Variants in DIP2B observed in about 807,000 individuals in gnomAD.
DIP2B encodes the protein DIP2 acetate--CoA ligase B (putative).
DIP2B carries 76 observed loss-of-function variants against 198.0 expected under a neutral mutation model. The observed-to-expected ratio is 0.38, with a 90% CI of 0.32 to 0.46. DIP2B has a LOEUF of 0.46. Ranked by LOEUF, DIP2B falls within the 20% of genes least tolerant of loss-of-function variation. The probability of loss-of-function intolerance (pLI) is 0.99; values close to 1 mark genes in which losing one functional copy is unlikely to be tolerated. For missense variants in DIP2B, 1,559 were observed against 1,978.4 expected (o/e 0.79, Z 4.02); for synonymous variants, 701 against 739.1 (o/e 0.95, Z 0.84).
chr12:50,508,664 T>C (rs920539513), intron 1 of DIP2B, among the ~76,000 whole-genome samples: 1 of 152,146 alleles, frequency 6.6e-6, no homozygotes, highest in Non-Finnish European at 1.5e-5. Context: ...ATATTTGTGC[T>C]GTCATTGCAC....
Position 50,744,956 on chromosome 12 carries a change from T to G in DIP2B, c.*117T>G, listed in dbSNP as rs1940322124. 4.0e-6 allele frequency: 5 copies of G among 1,253,060 alleles called. No individual in the cohort carries two copies. In the South Asian group the frequency reaches 5.9e-5, roughly 15 times the overall value. The allele number at this position is 1,253,060 out of a possible 1,614,324, so 77.6% of individuals were successfully genotyped here. On this transcript the variant is annotated 3_prime_UTR_variant, in exon 38 of 38. Transcript: ENST00000301180. ...AGCTGAGATGGCTACATGATATTCTTCATCTCATCCTGTGGGATTCTGCAA... is the reference window on the plus strand; with the variant it reads ...AGCTGAGATGGCTACATGATATTCTGCATCTCATCCTGTGGGATTCTGCAA...
intron 1 of DIP2B, among the ~76,000 whole-genome samples, chr12:50,590,002 T>C (rs1593634412): frequency 1.4e-5 from 2 of 148,108 alleles, no homozygotes; most frequent in South Asian, 2.2e-4. Flanking sequence ...CTCTCTCTCT[T>C]TCTCTGTCTC....
intron 1 of DIP2B, among the ~76,000 whole-genome samples, chr12:50,506,438 C>T (rs1957969214): frequency 6.6e-6 from 1 of 152,236 alleles, no homozygotes; most frequent in Non-Finnish European, 1.5e-5. Context: ...CAATGAAAAA[C>T]CAAAAATAGA....
At chr12:50,550,258 G>A (rs546081297) in intron 1 of DIP2B, among the ~76,000 whole-genome samples, 1 of 152,092 alleles carries the variant, frequency 6.6e-6, no homozygotes, top group South Asian at 2.1e-4. Context: ...GTGTACTCGT[G>A]GGGCCAGCTG....
intron 1 of DIP2B, among the ~76,000 whole-genome samples, chr12:50,532,475 C>T (rs1213689904): frequency 2.6e-5 from 4 of 152,110 alleles, no homozygotes; most frequent in Admixed American, 6.6e-5. Context: ...GATCGCACCA[C>T]AGCACTCCAG....
intron 1 of DIP2B, among the ~76,000 whole-genome samples, chr12:50,526,787 C>A (rs945507893): frequency 1.3e-5 from 2 of 152,024 alleles, no homozygotes; most frequent in African/African-American, 4.8e-5. Flanking sequence ...AGGCCTGTGC[C>A]ACCACGCTTG....
intron 1 of DIP2B, among the ~76,000 whole-genome samples, chr12:50,510,871 C>T (rs955943092): frequency 6.6e-6 from 1 of 151,754 alleles, no homozygotes; most frequent in Non-Finnish European, 1.5e-5. Flanking sequence ...TCTTGAACTC[C>T]CGACCTCAGG....
At chr12:50,697,002 T>C (rs1939324202) in intron 16 of DIP2B, 59 bp from the exon 17 acceptor site, 1 of 1,294,822 alleles carries the variant, frequency 7.7e-7, no homozygotes, top group Admixed American at 2.0e-5. Flanking sequence ...CTTTACCATT[T>C]TCCTACAGTA....
rs886805465 is a variant in DIP2B at position 50,746,700 on chromosome 12, A to G, written c.*1861A>G. On this transcript the variant is annotated 3_prime_UTR_variant, in exon 38 of 38. Coordinates refer to ENST00000301180, the MANE Select transcript of DIP2B (RefSeq NM_173602.3). ...AAAAAGCACTTACATTGGGGCACAC[A>G]GGAAATCCCAGTGTCTAGCAATGGT... The G allele has an allele frequency of 6.6e-6, 1 of 152,256 alleles. No individual in the cohort carries two copies. Among genetic ancestry groups the G allele is most frequent in the Admixed American group, 6.5e-5 (1 of 15,284 alleles). 9.4% of individuals were successfully genotyped at this position (152,256 alleles called of 1,614,324 possible).
intron 1 of DIP2B, among the ~76,000 whole-genome samples, chr12:50,575,032 T>C (rs565701114): frequency 1.3e-5 from 2 of 152,350 alleles, no homozygotes; most frequent in Non-Finnish European, 2.9e-5. Context: ...TCATTTTTAG[T>C]TTTCTTCACA....
At chr12:50,706,784 A>C in intron 21 of DIP2B, 119 bp downstream of exon 21, 3 of 1,229,716 alleles carry the variant, frequency 2.4e-6, no homozygotes, top group South Asian at 3.4e-5. Context: ...TGTTTTTGTT[A>C]AGCATTGCAT....
chr12:50,617,579 C>G (rs1230065785), intron 1 of DIP2B, among the ~76,000 whole-genome samples: 3 of 151,968 alleles, frequency 2.0e-5, no homozygotes, highest in East Asian at 3.9e-4. Flanking sequence ...GAGGCCAAGG[C>G]AGGTGGATCA....
chr12:50,695,916 G>A lies in DIP2B; in HGVS notation c.1882G>A (p.Val628Met), dbSNP rs747379433. 14 of 1,614,014 alleles carry A rather than the reference G, an allele frequency of 8.7e-6. No individual in the cohort carries two copies. Among genetic ancestry groups the A allele is most frequent in the South Asian group, 4.4e-5 (4 of 91,090 alleles). ...GATGGCACATCGGGACCAAAGAGAC[G>A]TGAGCTTGAGTTCCCTCCGAATGTT... Reference protein sequence around the residue: ...AMMAHRDQRDVSLSSLRMLIV... With the variant: ...AMMAHRDQRDMSLSSLRMLIV... Residue 628 changes from valine (V) to methionine (M), a missense_variant, in exon 16 of 38, where the codon GTG (valine) becomes ATG (methionine). Val to Met is a conservative substitution (Grantham distance 21). Coordinates refer to ENST00000301180, the MANE Select transcript of DIP2B (RefSeq NM_173602.3).
At chr12:50,715,116 G>T (rs1939691247) in intron 23 of DIP2B, among the ~76,000 whole-genome samples, 1 of 152,148 alleles carries the variant, frequency 6.6e-6, no homozygotes, top group East Asian at 1.9e-4. Context: ...ATTTTTGTCA[G>T]GTAAAAAAAG....
intron 22 of DIP2B, among the ~76,000 whole-genome samples, chr12:50,709,543 C>T (rs934676694): frequency 4.0e-5 from 6 of 151,420 alleles, no homozygotes; most frequent in African/African-American, 1.5e-4. Flanking sequence ...GAGGCTGAGG[C>T]AGGAGAATGG....
chr12:50,707,085 C>T (rs143604374), intron 21 of DIP2B, among the ~76,000 whole-genome samples: 1 of 152,150 alleles, frequency 6.6e-6, no homozygotes, highest in African/African-American at 2.4e-5. Context: ...TAAATTATAC[C>T]GTTTTAATGT....
chr12:50,731,816 A>G (rs994672074), intron 31 of DIP2B, among the ~76,000 whole-genome samples: 1 of 152,216 alleles, frequency 6.6e-6, no homozygotes, highest in Non-Finnish European at 1.5e-5. Context: ...CATAAAAGGG[A>G]ACTGTGGCTT....
Position 50,614,358 on chromosome 12 carries a change from G to C in DIP2B, c.101-11618G>C, listed in dbSNP as rs550353694. ...TCCTCTGCCTGTTCTTTAAATGTTA[G>C]TTTACCCCAGGATTCCTTTTCTGGT... On this transcript the variant is annotated intron_variant, in intron 1 of 37. Coordinates refer to ENST00000301180, the MANE Select transcript of DIP2B (RefSeq NM_173602.3). Among the ~76,000 whole-genome samples, 59 of 152,180 alleles carry C rather than the reference G, an allele frequency of 3.9e-4. 2 individuals carry two copies. Among genetic ancestry groups the C allele is most frequent in the Middle Eastern group, 3.4e-3 (1 of 294 alleles).
At chr12:50,730,784 C>T (rs1290129434) in intron 30 of DIP2B, among the ~76,000 whole-genome samples, 5 of 152,108 alleles carry the variant, frequency 3.3e-5, no homozygotes, top group African/African-American at 1.2e-4. Context: ...TCACTACCGT[C>T]CCCACTTCTT....
Sources: allele counts gnomAD v4.1 joint callset (sites outside exome capture counted in the v4.1 genomes callset), GRCh38; gene constraint gnomAD v4.1.1; transcripts MANE v1.5; gene names NCBI Gene and HGNC (gene_info 2026-07-23, HGNC 2026-07-21).